ROBO2: variants seen among roughly 807,000 people sequenced by gnomAD.
ROBO2 encodes roundabout guidance receptor 2, also known as roundabout homolog 2.
Under a neutral mutation model 160.8 loss-of-function variants are expected in ROBO2, and 53 were observed. The ratio of observed to expected loss-of-function variants is 0.33; its 90% CI spans 0.26 to 0.41. The LOEUF (loss-of-function observed/expected upper bound fraction) is 0.41, where lower values mean the gene tolerates loss of function less well. ROBO2 is among the 10% of genes least tolerant of loss of function. The pLI, the probability that ROBO2 is intolerant of heterozygous loss-of-function variation, is 1.00. For missense variants in ROBO2, 1,577 were observed against 1,722.4 expected, an observed-to-expected ratio of 0.92 and a Z score of 1.49; for synonymous variants, 664 against 611.7, an observed-to-expected ratio of 1.09 and a Z score of -1.26.
chr3:76,858,395 TG>T (rs2070373229), intron 2 of ROBO2, among the ~76,000 whole-genome samples: 1 of 152,126 alleles, frequency 6.6e-6, no homozygotes, highest in Non-Finnish European at 1.5e-5. Context: ...CCCAAGTAGC[TG>T]GGACTACAAG....
chr3:76,367,493 A>G lies in ROBO2; in HGVS notation c.109+429891A>G, dbSNP rs116752799. ...ACCCTGACTCGATGGGAAAAATTCC[A>G]TTTACTGCATCACAACTTCCTGTGG... On this transcript the variant is annotated intron_variant, in intron 2 of 26. Transcript: ENST00000487694. 1.5e-3 allele frequency among the ~76,000 whole-genome samples: 233 copies of G among 152,076 alleles called. 1 individual carries two copies. Among genetic ancestry groups the G allele is most frequent in the Admixed American group, 1.9e-3 (29 of 15,236 alleles).
At chr3:76,926,638 G>T (rs1288741094) in intron 2 of ROBO2, among the ~76,000 whole-genome samples, 4 of 152,170 alleles carry the variant, frequency 2.6e-5, no homozygotes, top group Non-Finnish European at 5.9e-5. Context: ...GACAACACTA[G>T]GTAGTAAGTA....
rs571255265 is a variant in ROBO2 at position 77,336,569 on chromosome 3, G to A, written c.389-140845G>A. 1.1e-4 allele frequency among the ~76,000 whole-genome samples: 17 copies of A among 151,460 alleles called. No individual in the cohort carries two copies. The East Asian group carries it at 3.1e-3, about 28-fold the overall frequency. On this transcript the variant is annotated intron_variant, in intron 2 of 25. Coordinates refer to ENST00000461745, the Ensembl canonical transcript of ROBO2. Reference sequence around the variant, plus strand: ...GGATGATCCTTTCAATAGTAGTGTGGTGGATGGACTAGGATTGGGAAAGAT... The same window carrying A: ...GGATGATCCTTTCAATAGTAGTGTGATGGATGGACTAGGATTGGGAAAGAT...
chr3:75,955,459 C>T (rs181467076), intron 2 of ROBO2, among the ~76,000 whole-genome samples: 51 of 150,632 alleles, frequency 3.4e-4, no homozygotes, highest in Admixed American at 2.9e-3. Context: ...AATCTCGTGA[C>T]GTGATTGTGA....
intron 2 of ROBO2, among the ~76,000 whole-genome samples, chr3:76,992,729 A>G (rs1184751598): frequency 6.6e-6 from 1 of 152,122 alleles, no homozygotes; most frequent in Non-Finnish European, 1.5e-5. Flanking sequence ...CTGAGTCACA[A>G]GAAATGGTAT....
rs1491126414 is a variant in ROBO2, at chr3:76,521,044, T to TA, written c.110-576970_110-576969insA. 2.8e-5 allele frequency among the ~76,000 whole-genome samples: 4 copies of TA among 144,578 alleles called. No individual in the cohort carries two copies. In the East Asian group the frequency reaches 8.2e-4, roughly 30 times the overall value. The allele number at this position is 144,578 out of a possible 152,430, so 94.8% of individuals were successfully genotyped here. A position where few individuals can be genotyped will look rare whatever the true frequency, so the allele number is the denominator to read the frequency against. ...AAAAACAGTTGCAACAAAAATTGCT[T>TA]CTTTTTTTTTTTTTTTTTTTTTTTG... is the stretch of plus-strand genomic sequence containing the variant. On this transcript the variant is annotated intron_variant, in intron 2 of 26. Transcript: ENST00000487694.
chr3:76,936,392 T>A (rs2077702648), intron 2 of ROBO2, among the ~76,000 whole-genome samples: 1 of 152,114 alleles, frequency 6.6e-6, no homozygotes, highest in African/African-American at 2.4e-5. Flanking sequence ...ACTTACAAAC[T>A]TTGAAAGATG....
intron 2 of ROBO2, among the ~76,000 whole-genome samples, chr3:77,402,831 C>T (rs2075927731): frequency 6.6e-6 from 1 of 152,042 alleles, no homozygotes; most frequent in Non-Finnish European, 1.5e-5. Context: ...TCAAACCACG[C>T]ACTTGATCTC....
At chr3:76,597,601 A>C (rs548457154) in intron 2 of ROBO2, among the ~76,000 whole-genome samples, 1 of 152,236 alleles carries the variant, frequency 6.6e-6, no homozygotes, top group East Asian at 1.9e-4. Context: ...AACAGATAAC[A>C]CTAAATGTTC....
intron 2 of ROBO2, among the ~76,000 whole-genome samples, chr3:76,701,628 G>A (rs1222888436): frequency 6.6e-6 from 1 of 151,890 alleles, no homozygotes; most frequent in Non-Finnish European, 1.5e-5. Flanking sequence ...CATTTTCTGT[G>A]TGTAATGATA....
At chr3:76,888,292 T>G (rs2074066705) in intron 2 of ROBO2, among the ~76,000 whole-genome samples, 1 of 152,068 alleles carries the variant, frequency 6.6e-6, no homozygotes, top group Non-Finnish European at 1.5e-5. Flanking sequence ...TGCTGGAACC[T>G]GGGATGCAGA....
At chr3:77,155,412 G>A (rs963989708) in intron 2 of ROBO2, among the ~76,000 whole-genome samples, 1 of 151,962 alleles carries the variant, frequency 6.6e-6, no homozygotes, top group Non-Finnish European at 1.5e-5. Flanking sequence ...GACTTCACTT[G>A]CTCTAGCTGG....
intron 2 of ROBO2, among the ~76,000 whole-genome samples, chr3:76,466,699 T>G (rs919374372): frequency 7.2e-5 from 11 of 152,036 alleles, no homozygotes; most frequent in African/African-American, 2.4e-4. Flanking sequence ...TGTTTCATTT[T>G]GAGAATGTGT....
At chr3:76,944,373 C>T (rs1166899725) in intron 2 of ROBO2, among the ~76,000 whole-genome samples, 1 of 152,082 alleles carries the variant, frequency 6.6e-6, no homozygotes, top group African/African-American at 2.4e-5. Context: ...TGTTCTCAAA[C>T]CTTTCACTCC....
chr3:77,051,194 A>T (rs2065196970), intron 1 of ROBO2, among the ~76,000 whole-genome samples: 1 of 152,168 alleles, frequency 6.6e-6, no homozygotes, highest in African/African-American at 2.4e-5. Flanking sequence ...TATGTTTTTA[A>T]GTGTTTCAGT....
intron 2 of ROBO2, among the ~76,000 whole-genome samples, chr3:77,165,895 G>A (rs2079032434): frequency 6.6e-6 from 1 of 152,072 alleles, no homozygotes; most frequent in South Asian, 2.1e-4. Context: ...TCAGTATATA[G>A]AAATTTCAAA....
At chr3:76,204,141 T>A (rs1702690459) in intron 2 of ROBO2, among the ~76,000 whole-genome samples, 1 of 152,216 alleles carries the variant, frequency 6.6e-6, no homozygotes, top group African/African-American at 2.4e-5. Flanking sequence ...TTTGTTACTT[T>A]AAATTTCCTA....
intron 2 of ROBO2, among the ~76,000 whole-genome samples, chr3:77,408,768 TG>T (rs1325288691): frequency 6.6e-6 from 1 of 152,122 alleles, no homozygotes; most frequent in African/African-American, 2.4e-5. Flanking sequence ...TGGCACAGTC[TG>T]GATTGCAGTG....
chr3:75,920,097 A>T (rs538045251), intron 1 of ROBO2, among the ~76,000 whole-genome samples: 52 of 150,248 alleles, frequency 3.5e-4, no homozygotes, highest in African/African-American at 1.1e-3. Flanking sequence ...TGTGTTTGCC[A>T]TTGCTTCTTT....
Sources: allele counts gnomAD v4.1 joint callset (sites outside exome capture counted in the v4.1 genomes callset), GRCh38; gene constraint gnomAD v4.1.1; transcripts MANE v1.5; gene names NCBI Gene and HGNC (gene_info 2026-07-23, HGNC 2026-07-21).